The following GRM5 variants were observed in gnomAD, a reference collection of about 807,000 sequenced individuals.
GRM5 encodes metabotropic glutamate receptor 5.
Under a neutral mutation model 83.1 loss-of-function variants are expected in GRM5, and 19 were observed. The observed-to-expected ratio is 0.23, with a 90% CI of 0.16 to 0.34. The LOEUF (loss-of-function observed/expected upper bound fraction) is 0.34. Among genes scored for constraint, GRM5 ranks in the 10% least tolerant of loss-of-function variants. The pLI is 1.00. For synonymous variants in GRM5, 675 were observed against 633.6 expected, an observed-to-expected ratio of 1.07 and a Z score of -0.98; for missense variants, 1,160 against 1,588.3, an observed-to-expected ratio of 0.73 and a Z score of 4.58.
chr11:88,891,371 C>G (rs937674743), intron 2 of GRM5, among the ~76,000 whole-genome samples: 1 of 151,984 alleles, frequency 6.6e-6, no homozygotes, highest in Non-Finnish European at 1.5e-5. Context: ...TTTTAAACCT[C>G]TAACATTTAA....
intron 2 of GRM5, among the ~76,000 whole-genome samples, chr11:88,878,554 C>A (rs377554398): frequency 1.3e-5 from 2 of 152,124 alleles, no homozygotes; most frequent in Non-Finnish European, 2.9e-5. Flanking sequence ...AGGCTGGCAA[C>A]GGAGAAAGAT....
intron 2 of GRM5, among the ~76,000 whole-genome samples, chr11:89,037,769 A>T (rs147647499): frequency 6.6e-6 from 1 of 152,170 alleles, no homozygotes; most frequent in Admixed American, 6.5e-5. Flanking sequence ...AAATTAAATG[A>T]CATTGTCACA....
At chr11:88,586,148 G>GT (rs1469373547) in intron 7 of GRM5, among the ~76,000 whole-genome samples, 1 of 151,680 alleles carries the variant, frequency 6.6e-6, no homozygotes, top group Non-Finnish European at 1.5e-5. Context: ...GTATTTATGT[G>GT]TAAAAAAAGG....
chr11:88,625,434 T>G (rs1397861120), intron 4 of GRM5, among the ~76,000 whole-genome samples: 1 of 152,098 alleles, frequency 6.6e-6, no homozygotes, highest in Non-Finnish European at 1.5e-5. Flanking sequence ...CAAAGAGTAA[T>G]TTTTTCTAAG....
At chr11:88,928,664 G>T (rs1172515818) in intron 2 of GRM5, among the ~76,000 whole-genome samples, 1 of 151,722 alleles carries the variant, frequency 6.6e-6, no homozygotes, top group African/African-American at 2.4e-5. Context: ...AAAACACATT[G>T]GAAGGACTAG....
At chr11:88,643,715 C>T (rs575732928) in intron 4 of GRM5, among the ~76,000 whole-genome samples, 5 of 152,016 alleles carry the variant, frequency 3.3e-5, no homozygotes, top group African/African-American at 1.2e-4. Context: ...AGTACTATTC[C>T]GGTATTCTAG....
chr11:88,659,934 T>C (rs924284907), intron 3 of GRM5, among the ~76,000 whole-genome samples: 7 of 152,238 alleles, frequency 4.6e-5, no homozygotes, highest in Admixed American at 1.3e-4. Context: ...GTTATTGCTA[T>C]GGAAAACAGA....
intron 1 of GRM5, among the ~76,000 whole-genome samples, chr11:89,056,587 T>A (rs1416986529): frequency 6.6e-6 from 1 of 152,146 alleles, no homozygotes; most frequent in Non-Finnish European, 1.5e-5. Flanking sequence ...GTAAAATAAA[T>A]TATTTTCTTT....
chr11:88,672,067 A>T (rs1940209708), intron 3 of GRM5, among the ~76,000 whole-genome samples: 1 of 152,060 alleles, frequency 6.6e-6, no homozygotes, highest in Non-Finnish European at 1.5e-5. Context: ...AATTCATTTC[A>T]TTCTTAGGAG....
chr11:88,863,588 A>G (rs1185907209), intron 2 of GRM5, among the ~76,000 whole-genome samples: 1 of 152,080 alleles, frequency 6.6e-6, no homozygotes, highest in Non-Finnish European at 1.5e-5. Context: ...AGGGAGGGGA[A>G]CAACACACTC....
chr11:88,809,518 A>G (rs1162990670), intron 3 of GRM5, among the ~76,000 whole-genome samples: 3 of 152,002 alleles, frequency 2.0e-5, no homozygotes, highest in Non-Finnish European at 4.4e-5. Context: ...AAAGATTATT[A>G]TTTTTACTGT....
chr11:88,889,862 CA>C (rs35214086), intron 2 of GRM5, among the ~76,000 whole-genome samples: 2,308 of 151,694 alleles, frequency 0.015, 27 homozygotes, highest in Middle Eastern at 0.054. Flanking sequence ...AACAAACAAA[CA>C]AAAAAAACCC....
chr11:88,982,453 C>T (rs1939556954), intron 2 of GRM5, among the ~76,000 whole-genome samples: 3 of 152,030 alleles, frequency 2.0e-5, no homozygotes, highest in African/African-American at 7.2e-5. Context: ...AAAAATTTGT[C>T]ATTGCCAAAT....
Position 88,509,350 on chromosome 11 carries a change from G to A in GRM5, c.2881C>T (p.Leu961=). 1.2e-6 allele frequency: 2 copies of A among 1,609,956 alleles called. No homozygotes were observed. Among genetic ancestry groups the A allele is most frequent in the African/African-American group, 1.3e-5 (1 of 74,874 alleles). The change falls in exon 10 of 10, where the codon CTG becomes TTG. Residue 961 remains leucine, a synonymous_variant. Transcript: ENST00000305447. ...CCGCCTGCGCCAGCGCCAGCGCCCA[G>A]GCCACGGCTCTCCGTGCTCTTGGGG... ...PFPKSTESRG[L]GAGAGAGGSA...
intron 2 of GRM5, among the ~76,000 whole-genome samples, chr11:88,975,140 G>T (rs1198974380): frequency 6.6e-6 from 1 of 152,164 alleles, no homozygotes; most frequent in Non-Finnish European, 1.5e-5. Context: ...GTATTCTTCT[G>T]CAGGTAGGTG....
At chr11:88,687,060 A>T (rs1236062175) in intron 3 of GRM5, among the ~76,000 whole-genome samples, 1 of 151,976 alleles carries the variant, frequency 6.6e-6, no homozygotes, top group South Asian at 2.1e-4. Flanking sequence ...ATATTTATTC[A>T]TTTGGCTATT....
At chr11:88,749,160 G>A (rs1942209019) in intron 3 of GRM5, among the ~76,000 whole-genome samples, 1 of 152,166 alleles carries the variant, frequency 6.6e-6, no homozygotes, top group South Asian at 2.1e-4. Context: ...TGAACTAAAG[G>A]AGCATGTTGT....
chr11:88,655,593 T>C (rs1048492602), intron 3 of GRM5, among the ~76,000 whole-genome samples: 1 of 152,056 alleles, frequency 6.6e-6, no homozygotes, highest in African/African-American at 2.4e-5. Context: ...TAAACTTTTT[T>C]GCAGGTGATA....
chr11:88,916,692 G>A (rs1439817943), intron 2 of GRM5, among the ~76,000 whole-genome samples: 1 of 151,680 alleles, frequency 6.6e-6, no homozygotes, highest in Non-Finnish European at 1.5e-5. Flanking sequence ...GAGCAGCAAA[G>A]GGAGTGTCAT....
Sources: gnomAD v4.1 joint callset for allele counts (sites outside exome capture counted in the v4.1 genomes callset) on GRCh38, gnomAD v4.1.1 for gene constraint, MANE v1.5 for transcripts, NCBI Gene and HGNC (gene_info 2026-07-23, HGNC 2026-07-21) for gene names.